The following ACBD6 variants were observed in gnomAD, a reference collection of about 807,000 sequenced individuals.
The protein encoded by ACBD6 is acyl-CoA binding domain containing 6, also known as acyl-CoA-binding domain-containing protein 6.
ACBD6 carries 28 observed loss-of-function variants against 37.2 expected under a neutral mutation model. The ratio of observed to expected loss-of-function variants is 0.75; its 90% CI spans 0.56 to 1.03. ACBD6 has a LOEUF of 1.03. Among genes scored for constraint, ACBD6 ranks in the 50% least tolerant of loss-of-function variants. The pLI, the probability that ACBD6 is intolerant of heterozygous loss-of-function variation, is 0.00. For missense variants in ACBD6, 340 were observed against 337.4 expected (o/e 1.01, Z -0.06); for synonymous variants, 113 against 126.8 (o/e 0.89, Z 0.73).
At chr1:180,312,713 T>C (rs1650640423) in intron 7 of ACBD6, among the ~76,000 whole-genome samples, 1 of 152,224 alleles carries the variant, frequency 6.6e-6, no homozygotes, top group Non-Finnish European at 1.5e-5. Context: ...GAAGTCTCCT[T>C]CTATTCCTAG....
At chr1:180,297,204 G>C (rs1012394034) in intron 7 of ACBD6, among the ~76,000 whole-genome samples, 1 of 152,092 alleles carries the variant, frequency 6.6e-6, no homozygotes, top group Non-Finnish European at 1.5e-5. Context: ...CCAGCTCAGG[G>C]CTTCACGGCT....
chr1:180,410,301 G>A (rs1647801120), intron 5 of ACBD6, among the ~76,000 whole-genome samples: 1 of 152,246 alleles, frequency 6.6e-6, no homozygotes, highest in Admixed American at 6.5e-5. Flanking sequence ...CCTAGTTAAA[G>A]TAACCGATAA....
intron 7 of ACBD6, among the ~76,000 whole-genome samples, chr1:180,290,399 A>G (rs369107096): frequency 2.6e-5 from 4 of 152,236 alleles, no homozygotes; most frequent in South Asian, 2.1e-4. Context: ...CTGGTCTCAA[A>G]CTACTAGGCT....
At chr1:180,459,273 C>T (rs1014424108) in intron 3 of ACBD6, among the ~76,000 whole-genome samples, 1 of 152,130 alleles carries the variant, frequency 6.6e-6, no homozygotes, top group Non-Finnish European at 1.5e-5. Context: ...ACTCTTTTTG[C>T]ACTTTCTCCA....
chr1:180,356,769 G>T (rs913526628), intron 6 of ACBD6, among the ~76,000 whole-genome samples: 1 of 151,152 alleles, frequency 6.6e-6, no homozygotes, highest in Non-Finnish European at 1.5e-5. Flanking sequence ...AGGATGGCTT[G>T]AGCATGGGCG....
intron 7 of ACBD6, among the ~76,000 whole-genome samples, chr1:180,296,476 T>C (rs967401372): frequency 1.3e-5 from 2 of 152,110 alleles, no homozygotes; most frequent in African/African-American, 4.8e-5. Flanking sequence ...GTCGCCCAGG[T>C]TGGAGTGCAG....
rs1647935035 is a variant in ACBD6 at position 180,413,292 on chromosome 1, T to C, written c.573+74A>G. Reference sequence around the variant, plus strand: ...TACTTTGAGTTGTAGTTCATTGGCCTACCATTTAGGAAAAGGCACTGGGGC... The same window carrying C: ...TACTTTGAGTTGTAGTTCATTGGCCCACCATTTAGGAAAAGGCACTGGGGC... On this transcript the variant is annotated intron_variant, in intron 5 of 7. Coordinates refer to ENST00000367595, the MANE Select transcript of ACBD6 (RefSeq NM_032360.4). 9.8e-6 allele frequency: 11 copies of C among 1,121,192 alleles called. 1 individual carries two copies. The highest frequency in any genetic ancestry group is 1.4e-5 in the Non-Finnish European group (10 of 733,768). The allele number at this position is 1,121,192 out of a possible 1,614,324, so 69.5% of individuals were successfully genotyped here.
At chr1:180,409,554 T>G (rs932286644) in intron 5 of ACBD6, among the ~76,000 whole-genome samples, 1 of 152,168 alleles carries the variant, frequency 6.6e-6, no homozygotes, top group African/African-American at 2.4e-5. Context: ...TTCAAAGTTT[T>G]TCATTATTAT....
chr1:180,424,953 T>G (rs1219654857), intron 4 of ACBD6, among the ~76,000 whole-genome samples: 2 of 152,176 alleles, frequency 1.3e-5, no homozygotes, highest in Non-Finnish European at 2.9e-5. Flanking sequence ...CAGTTACTGT[T>G]TATGTCAAGA....
chr1:180,370,557 ATTAG>A (rs1402031574), intron 6 of ACBD6, among the ~76,000 whole-genome samples: 6 of 152,184 alleles, frequency 3.9e-5, no homozygotes, highest in Non-Finnish European at 8.8e-5. Flanking sequence ...ATACAGTAAC[ATTAG>A]TTAAATATAG....
intron 3 of ACBD6, among the ~76,000 whole-genome samples, chr1:180,468,099 T>C (rs1295531427): frequency 6.6e-6 from 1 of 152,150 alleles, no homozygotes; most frequent in South Asian, 2.1e-4. Context: ...CTAGGTCACA[T>C]AGGATCTTTT....
At chr1:180,334,608 C>T (rs2149302404) in intron 6 of ACBD6, among the ~76,000 whole-genome samples, 1 of 152,300 alleles carries the variant, frequency 6.6e-6, no homozygotes, top group Non-Finnish European at 1.5e-5. Flanking sequence ...GAGCGCTTCT[C>T]CTCCTCCAAA....
intron 6 of ACBD6, among the ~76,000 whole-genome samples, chr1:180,358,581 AT>A (rs1652723547): frequency 6.6e-6 from 1 of 151,960 alleles, no homozygotes; most frequent in South Asian, 2.1e-4. Context: ...AAGAAAAACA[AT>A]TTTAATAACA....
At chr1:180,344,483 CA>C (rs1652098873) in intron 6 of ACBD6, among the ~76,000 whole-genome samples, 1 of 152,028 alleles carries the variant, frequency 6.6e-6, no homozygotes, top group Non-Finnish European at 1.5e-5. Context: ...TGTAGAAAAA[CA>C]GTTAAAAAAT....
rs538563723 is a variant in ACBD6 at position 180,371,201 on chromosome 1, AATAT to A, written c.663+26311_663+26314del. 5.5e-3 allele frequency among the ~76,000 whole-genome samples: 830 copies of A among 151,608 alleles called. 6 individuals are homozygous for A. Among genetic ancestry groups the A allele is most frequent in the African/African-American group, 0.019 (785 of 41,440 alleles). ...ATGATTATAAGGAAAAAAGAGATCA[AATAT>A]ATATATATATTTTGTACAATTATTT... On this transcript the variant is annotated intron_variant, in intron 6 of 7. Transcript: ENST00000367595.
intron 6 of ACBD6, among the ~76,000 whole-genome samples, chr1:180,384,681 C>G (rs185814096): frequency 2.8e-4 from 43 of 152,246 alleles, no homozygotes; most frequent in Non-Finnish European, 2.4e-4. Context: ...ATAAGTGTAT[C>G]AAAGGTACAC....
intron 7 of ACBD6, among the ~76,000 whole-genome samples, chr1:180,295,801 A>G (rs1558237741): frequency 1.3e-5 from 2 of 152,138 alleles, no homozygotes; most frequent in Non-Finnish European, 2.9e-5. Flanking sequence ...GGAACAGCCA[A>G]TCCCTCGTCT....
At position 180,460,475 on chromosome 1, in the gene ACBD6, C is replaced by A. The variant is rs780958776; in HGVS notation, c.385-30213G>T. 6.9e-4 allele frequency among the ~76,000 whole-genome samples: 105 copies of A among 152,186 alleles called. 1 individual carries two copies. Among genetic ancestry groups the A allele is most frequent in the Middle Eastern group, 3.4e-3 (1 of 294 alleles). Reference sequence around the variant, plus strand: ...CCTGATCCCGTTCCTCCTGGCTGGGCGAGACCTCCCAACCAGGGTCTCCAG... The same window carrying A: ...CCTGATCCCGTTCCTCCTGGCTGGGAGAGACCTCCCAACCAGGGTCTCCAG... On this transcript the variant is annotated intron_variant, in intron 3 of 7. Transcript: ENST00000367595.
intron 4 of ACBD6, among the ~76,000 whole-genome samples, chr1:180,419,953 G>C (rs990882643): frequency 2.0e-5 from 3 of 152,158 alleles, no homozygotes; most frequent in Admixed American, 2.0e-4. Context: ...TTTTTATACA[G>C]TACCAATCCT....
Sources: allele counts gnomAD v4.1 joint callset (sites outside exome capture counted in the v4.1 genomes callset), GRCh38; gene constraint gnomAD v4.1.1; transcripts MANE v1.5; gene names NCBI Gene and HGNC (gene_info 2026-07-23, HGNC 2026-07-21).